The following SCART1 variants were observed in gnomAD, a reference collection of about 807,000 sequenced individuals.
The protein encoded by SCART1 is scavenger receptor cysteine-rich domain-containing protein SCART1.
In SCART1, 62 loss-of-function variants were observed where a neutral mutation model predicts 36.2. The ratio of observed to expected loss-of-function variants is 1.71; its 90% CI spans 1.40 to 2.12. The LOEUF (loss-of-function observed/expected upper bound fraction) is 2.12. SCART1 is among the 30% of genes most tolerant of loss of function. SCART1 has a pLI of 0.00. For synonymous variants in SCART1, 487 were observed against 238.7 expected (o/e 2.04, Z -9.59); for missense variants, 1,041 against 540.5 (o/e 1.93, Z -9.18).
exon 12 of SCART1, chr10:133,469,163 C>G (rs1306972073): frequency 6.6e-5 from 10 of 152,140 alleles, no homozygotes; most frequent in African/African-American, 2.4e-4. Flanking sequence ...TGTTTGTTGG[C>G]TGCATAAATG....
At chr10:133,457,492 A>C in exon 3 of SCART1, 1 of 702,688 alleles carries the variant, frequency 1.4e-6, no homozygotes, top group Non-Finnish European at 2.6e-6. Flanking sequence ...AGGGGTACCG[A>C]GCCCACCATC....
intron 10 of SCART1, among the ~76,000 whole-genome samples, chr10:133,466,638 G>A (rs1156367644): frequency 1.3e-5 from 2 of 152,230 alleles, no homozygotes; most frequent in Non-Finnish European, 2.9e-5. Context: ...AGCTGAGACG[G>A]TGGATGCCCA....
exon 1 of SCART1, chr10:133,453,996 C>T (rs1364317588): frequency 7.1e-6 from 5 of 702,876 alleles, no homozygotes; most frequent in Admixed American, 2.0e-5. Context: ...GGCTGTGGGA[C>T]CATGAGGGCA....
chr10:133,456,794 G>GA (rs1342730977), intron 2 of SCART1, among the ~76,000 whole-genome samples: 1 of 152,208 alleles, frequency 6.6e-6, no homozygotes, highest in African/African-American at 2.4e-5. Flanking sequence ...ATTGGAGGAA[G>GA]GAAGCAGAGT....
rs1337433081 is a variant in SCART1, at chr10:133,464,309, GGC to G, written c.1970-295_1970-294del. On this transcript the variant is annotated intron_variant, in intron 6 of 11. Transcript: ENST00000640237. ...GAACCTGGGTGCTGCAGTGAACCTG[GGC>G]GTGCAGTGAACCTGGGCGTGCAGTG... 1.2e-4 allele frequency: 5 copies of G among 40,054 alleles called. No homozygotes were observed. The South Asian group carries it at 1.3e-3, about 11-fold the overall frequency. 2.5% of individuals were successfully genotyped at this position (40,054 alleles called of 1,614,324 possible).
chr10:133,464,984 A>G (rs1850746198), intron 7 of SCART1, 73 bp downstream of exon 7: 1 of 701,800 alleles, frequency 1.4e-6, no homozygotes, highest in Non-Finnish European at 2.6e-6. Context: ...CTGTCCTGAC[A>G]GGTCACTTAC....
At chr10:133,460,327 A>C (rs1489885061) in intron 6 of SCART1, among the ~76,000 whole-genome samples, 157 bp downstream of exon 6, 2 of 151,898 alleles carry the variant, frequency 1.3e-5, no homozygotes, top group Admixed American at 6.6e-5. Flanking sequence ...TGGTATAGTA[A>C]GTGCTACCGG....
intron 1 of SCART1, among the ~76,000 whole-genome samples, chr10:133,455,587 G>A (rs181668746): frequency 6.6e-5 from 10 of 152,182 alleles, no homozygotes; most frequent in Admixed American, 1.3e-4. Context: ...CGGGGTGGCT[G>A]TGTTGATGTG....
rs533882523 is a variant in SCART1 at position 133,457,274 on chromosome 10, C to A, written c.386-5C>A. 1.6e-3 allele frequency: 1,102 copies of A among 700,786 alleles called. 9 individuals carry two copies. The African/African-American group carries it at 0.018, about 11-fold the overall frequency. The allele number at this position is 700,786 out of a possible 1,614,324, so 43.4% of individuals were successfully genotyped here. A position where few individuals can be genotyped will look rare whatever the true frequency, so the allele number is the denominator to read the frequency against. On this transcript the variant is annotated splice_polypyrimidine_tract_variant and splice_region_variant and intron_variant, in intron 2 of 11. Transcript: ENST00000640237. Reference sequence around the variant, plus strand: ...CCTTAAGGAGGACCGGCCTGTGCTCCACAGACGGCACTTTCCGGGAGCTCC... The same window carrying A: ...CCTTAAGGAGGACCGGCCTGTGCTCAACAGACGGCACTTTCCGGGAGCTCC...
chr10:133,467,059 G>A lies in SCART1; in HGVS notation c.2807-139G>A, dbSNP rs115458024. 9.8e-3 allele frequency: 5,441 copies of A among 553,770 alleles called. 185 individuals carry two copies. The highest frequency in any genetic ancestry group is 0.086 in the African/African-American group (4,502 of 52,344). 34.3% of individuals were successfully genotyped at this position (553,770 alleles called of 1,614,324 possible). A position where few individuals can be genotyped will look rare whatever the true frequency, so the allele number is the denominator to read the frequency against. On this transcript the variant is annotated intron_variant, in intron 10 of 11. Coordinates refer to ENST00000640237, the Ensembl canonical transcript of SCART1. ...GCACTGGGAGTCTGGCTATGTTGCC[G>A]TGGTCCCTCCATCCCAGCCCACAGC... is the stretch of plus-strand genomic sequence containing the variant.
chr10:133,458,288 A>G lies in SCART1; in HGVS notation c.683-72A>G, dbSNP rs1344926229. ...ATGGCTCCTGGCTGAAGCCTTCCGCAGTCTGAGGCTCAGGGCCAGGCTGTT... is the reference window on the plus strand; with the variant it reads ...ATGGCTCCTGGCTGAAGCCTTCCGCGGTCTGAGGCTCAGGGCCAGGCTGTT... On this transcript the variant is annotated intron_variant, in intron 3 of 11. Transcript: ENST00000640237. 4 of 702,006 alleles carry G rather than the reference A, an allele frequency of 5.7e-6. No individual in the cohort carries two copies. In the East Asian group the frequency reaches 1.1e-4, roughly 19 times the overall value. 43.5% of individuals were successfully genotyped at this position (702,006 alleles called of 1,614,324 possible).
chr10:133,458,619 G>A (rs576703103), exon 4 of SCART1: 2 of 698,246 alleles, frequency 2.9e-6, no homozygotes, highest in African/African-American at 1.8e-5. Context: ...GTGGGAGCCA[G>A]TGTGGGCATG....
chr10:133,466,116 G>A (rs986889460), intron 9 of SCART1, 119 bp from the exon 10 acceptor site: 18 of 630,348 alleles, frequency 2.9e-5, no homozygotes, highest in African/African-American at 9.1e-5. Flanking sequence ...CAGCACTTCC[G>A]ACTCGCAGGT....
chr10:133,462,851 C>T lies in SCART1; in HGVS notation c.1970-1755C>T, dbSNP rs1017266852. 2.0e-5 allele frequency among the ~76,000 whole-genome samples: 3 copies of T among 152,108 alleles called. No individual in the cohort carries two copies. In the East Asian group the frequency reaches 5.8e-4, roughly 29 times the overall value. ...TCCTTGACCCAAGTCCCAAGCCAGCCGCGATTCAAGGACTGGGGCCCAGAC... is the reference window on the plus strand; with the variant it reads ...TCCTTGACCCAAGTCCCAAGCCAGCTGCGATTCAAGGACTGGGGCCCAGAC... On this transcript the variant is annotated intron_variant, in intron 6 of 11. Transcript: ENST00000640237.
chr10:133,465,254 A>G (rs907377634), exon 9 of SCART1: 10 of 695,322 alleles, frequency 1.4e-5, no homozygotes, highest in African/African-American at 5.3e-5. Context: ...TTTGCAGAGG[A>G]GGGCGCACTG....
Position 133,466,398 on chromosome 10 carries a change from C to G in SCART1, c.2806+17C>G. ...TGCAGAGGGGTAAGCGTGAGCCCACCCTGATCCCATCAACTGGTGTGCAGG... is the reference window on the plus strand; with the variant it reads ...TGCAGAGGGGTAAGCGTGAGCCCACGCTGATCCCATCAACTGGTGTGCAGG... On this transcript the variant is annotated intron_variant, in intron 10 of 11. Transcript: ENST00000640237. 1.4e-6 allele frequency: 1 copy of G among 699,664 alleles called. No individual in the cohort carries two copies. The highest frequency in any genetic ancestry group is 2.6e-6 in the Non-Finnish European group (1 of 383,342). The allele number at this position is 699,664 out of a possible 1,614,324, so 43.3% of individuals were successfully genotyped here.
exon 2 of SCART1, chr10:133,456,284 G>C (rs68174897): frequency 1.4e-6 from 1 of 702,682 alleles, no homozygotes; most frequent in Non-Finnish European, 2.6e-6. Flanking sequence ...CACGTGCGAC[G>C]GAGTGGTGTT....
chr10:133,457,073 A>C (rs2480246), intron 2 of SCART1: 468,960 of 578,338 alleles, frequency 0.81, 191,812 homozygotes, highest in Non-Finnish European at 0.86. Context: ...CCTGCGGGGA[A>C]CCTTGTTTCA....
chr10:133,459,564 T>C, exon 6 of SCART1: 1 of 680,480 alleles, frequency 1.5e-6, no homozygotes, highest in Non-Finnish European at 2.7e-6. Context: ...GGATGGCGTG[T>C]GGGGCCGCGT....
Sources: gnomAD v4.1 joint callset for allele counts (sites outside exome capture counted in the v4.1 genomes callset) on GRCh38, gnomAD v4.1.1 for gene constraint, MANE v1.5 for transcripts, NCBI Gene and HGNC (gene_info 2026-07-23, HGNC 2026-07-21) for gene names.